The following CELF2 variants were observed in gnomAD, a reference collection of about 807,000 sequenced individuals.
CELF2 encodes the protein CUG triplet repeat RNA-binding protein 2.
CELF2 carries 8 observed loss-of-function variants against 62.6 expected under a neutral mutation model. The observed-to-expected ratio is 0.13, with a 90% CI of 0.07 to 0.23. CELF2 has a LOEUF of 0.23. Among genes scored for constraint, CELF2 ranks in the 10% least tolerant of loss-of-function variants. The pLI, the probability that CELF2 is intolerant of heterozygous loss-of-function variation, is 1.00. For synonymous variants in CELF2, 258 were observed against 250.0 expected (o/e 1.03, Z -0.30); for missense variants, 333 against 671.0 (o/e 0.50, Z 5.56).
intron 1 of CELF2, among the ~76,000 whole-genome samples, chr10:11,155,050 C>A (rs1396270032): frequency 6.6e-6 from 1 of 152,232 alleles, no homozygotes; most frequent in Non-Finnish European, 1.5e-5. Flanking sequence ...AGTAACATCT[C>A]AGCTCATCCC....
chr10:10,831,880 G>A (rs560949707), intron 1 of CELF2, among the ~76,000 whole-genome samples: 11 of 152,186 alleles, frequency 7.2e-5, no homozygotes, highest in Non-Finnish European at 1.0e-4. Context: ...GCTGAGGCAC[G>A]AGAATCACTT....
At chr10:10,731,129 C>T in the CELF2 span, among the ~76,000 whole-genome samples, 7 of 152,264 alleles carry the variant, frequency 4.6e-5, no homozygotes, top group South Asian at 1.5e-3. Context: ...CCCAAAGAGG[C>T]AAGTTTGATT....
intron 1 of CELF2, among the ~76,000 whole-genome samples, chr10:11,113,014 A>G (rs540576030): frequency 1.3e-5 from 2 of 150,960 alleles, no homozygotes; most frequent in East Asian, 2.0e-4. Context: ...AGTAAACGCA[A>G]TGCATTTCCA....
chr10:11,299,735 C>T (rs996623944), intron 9 of CELF2, among the ~76,000 whole-genome samples: 4 of 151,684 alleles, frequency 2.6e-5, no homozygotes, highest in African/African-American at 9.7e-5. Flanking sequence ...ATATTCTAAG[C>T]AGGAACTCCT....
rs912458812 is a variant in CELF2, at chr10:11,324,736, C to T, written c.1295-1100C>T. On this transcript the variant is annotated intron_variant, in intron 11 of 12. Transcript: ENST00000633077. This position sits in a 1 kb window ranked among gnomAD's most constrained non-coding sequence, Gnocchi z 4.7. ...CATTTTTACAAAGTTCTTTTTATCC[C>T]CATTTTACTTTTCTTCATGCCACAC... 8.5e-5 allele frequency among the ~76,000 whole-genome samples: 13 copies of T among 152,124 alleles called. No individual in the cohort carries two copies. Among genetic ancestry groups the T allele is most frequent in the African/African-American group, 3.1e-4 (13 of 41,414 alleles).
chr10:10,503,273 T>C, the CELF2 span, among the ~76,000 whole-genome samples: 2 of 152,038 alleles, frequency 1.3e-5, no homozygotes, highest in African/African-American at 4.8e-5. Flanking sequence ...AGTTCTTGTG[T>C]ATCCTTGCTA....
At chr10:10,689,543 A>T in the CELF2 span, among the ~76,000 whole-genome samples, 4 of 152,178 alleles carry the variant, frequency 2.6e-5, no homozygotes, top group South Asian at 8.3e-4. Flanking sequence ...TAGTATTTGA[A>T]TATACTTCAT....
chr10:10,679,448 C>A, the CELF2 span, among the ~76,000 whole-genome samples: 1 of 152,106 alleles, frequency 6.6e-6, no homozygotes, highest in South Asian at 2.1e-4. Flanking sequence ...CTCCACCATG[C>A]CCGGCTAATT....
At chr10:10,724,500 A>G in the CELF2 span, among the ~76,000 whole-genome samples, 5 of 151,808 alleles carry the variant, frequency 3.3e-5, no homozygotes, top group African/African-American at 1.2e-4. Flanking sequence ...TTAAAAATAC[A>G]AAAAAATTAG....
At chr10:11,275,244 CTG>C in intron 8 of CELF2, 124 bp downstream of exon 8, 1 of 1,032,404 alleles carries the variant, frequency 9.7e-7, no homozygotes. Flanking sequence ...TGTTAGCTTT[CTG>C]TCTTTGGTGT....
intron 2 of CELF2, among the ~76,000 whole-genome samples, chr10:10,950,075 G>A (rs1470883649): frequency 6.6e-6 from 1 of 152,096 alleles, no homozygotes; most frequent in East Asian, 1.9e-4. Flanking sequence ...TCTCTCCCCT[G>A]ATTCCTGAGT....
At chr10:10,917,763 G>A (rs2064491564) in intron 1 of CELF2, 1 of 152,188 alleles carries the variant, frequency 6.6e-6, no homozygotes, top group African/African-American at 2.4e-5. Flanking sequence ...TCAGTGGGTA[G>A]ATGACAGGGA....
the CELF2 span, among the ~76,000 whole-genome samples, chr10:10,518,294 C>G: frequency 5.9e-5 from 9 of 152,330 alleles, 1 homozygote; most frequent in South Asian, 1.9e-3. Flanking sequence ...TGAAAATGGA[C>G]TTGAGACAAA....
At chr10:10,883,211 T>A (rs7070614) in intron 1 of CELF2, among the ~76,000 whole-genome samples, 83,315 of 152,020 alleles carry the variant, frequency 0.55, 24,074 homozygotes, top group East Asian at 0.75. Context: ...AAATTAACAC[T>A]TTGACTAGAG....
chr10:11,267,479 T>C lies in CELF2; in HGVS notation c.618+802T>C, dbSNP rs2082469903. On this transcript the variant is annotated intron_variant, in intron 6 of 12. Transcript: ENST00000633077. The surrounding 1 kb of genome is among the most constrained non-coding windows in gnomAD (Gnocchi z 4.4). ...CTTCTGTATTGTCTGATAGAATCAT[T>C]TGGGAGTGCATGTTCTGCTGTATTA... 6.6e-6 allele frequency among the ~76,000 whole-genome samples: 1 copy of C among 152,220 alleles called. No homozygotes were observed. Among genetic ancestry groups the C allele is most frequent in the Non-Finnish European group, 1.5e-5 (1 of 68,036 alleles).
chr10:11,139,839 G>GTT (rs775388908), intron 1 of CELF2, among the ~76,000 whole-genome samples: 43 of 140,908 alleles, frequency 3.1e-4, no homozygotes, highest in Admixed American at 2.8e-4. Flanking sequence ...ACATCATTCA[G>GTT]TTTTTTTTTT....
intron 2 of CELF2, among the ~76,000 whole-genome samples, chr10:11,185,568 A>C (rs181143092): frequency 6.6e-6 from 1 of 151,982 alleles, no homozygotes; most frequent in Non-Finnish European, 1.5e-5. Flanking sequence ...CCACGCGCCA[A>C]CATGCTTGGC....
intron 1 of CELF2, among the ~76,000 whole-genome samples, chr10:11,064,630 TA>T (rs2140644249): frequency 6.6e-6 from 1 of 152,286 alleles, no homozygotes; most frequent in Non-Finnish European, 1.5e-5. Flanking sequence ...ATAGAGTATA[TA>T]AATGTCTCAA....
At position 11,314,229 on chromosome 10, in the gene CELF2, T is replaced by C; in HGVS notation, c.1067T>C (p.Val356Ala). ...GTLQGLAGAT[V>A]GLNNINALAV... ...CTGCAAGGACTGGCTGGAGCCACTG[T>C]TGGACTGAATAATATTAATGCACTA... The change falls in exon 10 of 13, where the codon GTT (valine) becomes GCT (alanine). Residue 356 changes from valine to alanine, a missense_variant. Physicochemically the swap from Val to Ala is moderately conservative, Grantham distance 64. Coordinates refer to ENST00000633077, the MANE Select transcript of CELF2 (RefSeq NM_001326342.2). The surrounding 1 kb of genome is among the most constrained non-coding windows in gnomAD (Gnocchi z 5.3). The C allele has an allele frequency of 6.2e-7, 1 of 1,614,192 alleles. No individual in the cohort carries two copies.
Sources: gnomAD v4.1 joint callset for allele counts (sites outside exome capture counted in the v4.1 genomes callset) on GRCh38, gnomAD v4.1.1 for gene constraint, Gnocchi (gnomAD v3.1) non-coding constraint, MANE v1.5 for transcripts, NCBI Gene and HGNC (gene_info 2026-07-23, HGNC 2026-07-21) for gene names.